Variants in PTPRT observed in about 807,000 individuals in gnomAD.
PTPRT encodes the protein receptor-type tyrosine-protein phosphatase T.
PTPRT carries 56 observed loss-of-function variants against 176.8 expected under a neutral mutation model. The ratio of observed to expected loss-of-function variants is 0.32; its 90% CI spans 0.26 to 0.40. The LOEUF (loss-of-function observed/expected upper bound fraction) is 0.40. Ranked by LOEUF, PTPRT falls within the 10% of genes least tolerant of loss-of-function variation. The pLI, the probability that PTPRT is intolerant of heterozygous loss-of-function variation, is 1.00. For synonymous variants in PTPRT, 783 were observed against 739.0 expected (o/e 1.06, Z -0.96); for missense variants, 1,540 against 1,908.2 (o/e 0.81, Z 3.60).
chr20:42,906,130 C>T (rs554913172), intron 1 of PTPRT, among the ~76,000 whole-genome samples: 8 of 152,182 alleles, frequency 5.3e-5, no homozygotes, highest in African/African-American at 1.7e-4. Flanking sequence ...AGCTGCTGGA[C>T]GTCCAGAGGA....
intron 7 of PTPRT, among the ~76,000 whole-genome samples, chr20:42,495,151 C>T (rs1568928254): frequency 6.6e-6 from 1 of 152,172 alleles, no homozygotes; most frequent in Non-Finnish European, 1.5e-5. Context: ...AACGTCCCCA[C>T]TTATAGATGA....
At chr20:42,324,616 T>G (rs2057854967) in intron 11 of PTPRT, among the ~76,000 whole-genome samples, 1 of 152,156 alleles carries the variant, frequency 6.6e-6, no homozygotes, top group African/African-American at 2.4e-5. Context: ...TATGCACAAA[T>G]TTTAATACAA....
intron 9 of PTPRT, among the ~76,000 whole-genome samples, chr20:42,396,400 ACTT>A (rs911827606): frequency 1.3e-5 from 2 of 151,934 alleles, no homozygotes; most frequent in Admixed American, 1.3e-4. Context: ...CAGCCTCTCT[ACTT>A]CTATCCTTGC....
At chr20:42,967,295 TA>T (rs1170485783) in intron 1 of PTPRT, among the ~76,000 whole-genome samples, 2 of 152,172 alleles carry the variant, frequency 1.3e-5, no homozygotes, top group African/African-American at 4.8e-5. Flanking sequence ...TTAAGGTATT[TA>T]ATTTAATTAT....
chr20:42,060,693 T>C, the PTPRT span, among the ~76,000 whole-genome samples: 3 of 152,256 alleles, frequency 2.0e-5, no homozygotes, highest in Non-Finnish European at 4.4e-5. Flanking sequence ...TCCTCAGCCA[T>C]GTGGACCTGT....
At chr20:42,180,614 A>T (rs1196702896) in intron 16 of PTPRT, among the ~76,000 whole-genome samples, 1 of 152,230 alleles carries the variant, frequency 6.6e-6, no homozygotes, top group Admixed American at 6.5e-5. Flanking sequence ...ATGTATATTA[A>T]AAGTGCATAA....
At chr20:42,057,627 C>T in the PTPRT span, among the ~76,000 whole-genome samples, 1 of 152,038 alleles carries the variant, frequency 6.6e-6, no homozygotes, top group African/African-American at 2.4e-5. Context: ...CTTGCTCTGT[C>T]ACCCAGGCTG....
intron 2 of PTPRT, among the ~76,000 whole-genome samples, chr20:42,826,500 G>A (rs1458317410): frequency 6.6e-6 from 1 of 152,176 alleles, no homozygotes; most frequent in Non-Finnish European, 1.5e-5. Context: ...AACATGAACA[G>A]AAGAGACCAA....
chr20:42,901,361 A>G (rs2079401057), intron 1 of PTPRT, among the ~76,000 whole-genome samples: 1 of 152,186 alleles, frequency 6.6e-6, no homozygotes. Context: ...CAAGCTCTCA[A>G]CAAACATTAG....
chr20:42,356,288 C>T (rs2058357098), intron 9 of PTPRT, among the ~76,000 whole-genome samples: 1 of 152,210 alleles, frequency 6.6e-6, no homozygotes, highest in Non-Finnish European at 1.5e-5. Flanking sequence ...TGCACATCAA[C>T]CCTGGGCTCC....
intron 1 of PTPRT, among the ~76,000 whole-genome samples, chr20:42,906,490 C>T (rs1477529213): frequency 6.6e-6 from 1 of 152,198 alleles, no homozygotes; most frequent in Non-Finnish European, 1.5e-5. Context: ...GCAAGAAACT[C>T]TCAGGATACA....
chr20:42,823,490 C>A (rs137921830), intron 2 of PTPRT, among the ~76,000 whole-genome samples: 41 of 152,024 alleles, frequency 2.7e-4, no homozygotes, highest in African/African-American at 9.9e-4. Context: ...ATATTGTGCA[C>A]ATGTATCCCA....
the PTPRT span, among the ~76,000 whole-genome samples, chr20:42,040,086 C>G: frequency 0.029 from 4,338 of 151,842 alleles, 207 homozygotes; most frequent in African/African-American, 0.099. Flanking sequence ...TTTTTCCCCA[C>G]AGTCTCACCA....
intron 7 of PTPRT, among the ~76,000 whole-genome samples, chr20:42,626,636 G>C (rs1029372201): frequency 3.3e-5 from 5 of 152,164 alleles, no homozygotes; most frequent in African/African-American, 1.2e-4. Context: ...AAGATTCCAA[G>C]AAGTCAGAGA....
intron 9 of PTPRT, among the ~76,000 whole-genome samples, chr20:42,416,867 T>C (rs910412280): frequency 6.6e-6 from 1 of 152,184 alleles, no homozygotes; most frequent in African/African-American, 2.4e-5. Context: ...TACAATATAA[T>C]AACAACCAGG....
Position 42,298,749 on chromosome 20 carries a change from T to C in PTPRT, c.2140-16224A>G, listed in dbSNP as rs556225932. ...CATCCTGGCCAACATGGTTAAACCCTGTCTCTACTAAAAATACAAAAATTA... is the reference window on the plus strand; with the variant it reads ...CATCCTGGCCAACATGGTTAAACCCCGTCTCTACTAAAAATACAAAAATTA... On this transcript the variant is annotated intron_variant, in intron 12 of 30. Transcript: ENST00000373187. Among the ~76,000 whole-genome samples the C allele has an allele frequency of 5.5e-4, 84 of 152,174 alleles. 1 individual carries two copies. Among genetic ancestry groups the C allele is most frequent in the Admixed American group, 1.0e-3 (16 of 15,284 alleles).
At chr20:42,260,846 C>A (rs1387619105) in intron 13 of PTPRT, among the ~76,000 whole-genome samples, 4 of 152,134 alleles carry the variant, frequency 2.6e-5, no homozygotes, top group Non-Finnish European at 4.4e-5. Context: ...GAGTGGAGAC[C>A]TGTCTGGGCC....
intron 1 of PTPRT, among the ~76,000 whole-genome samples, chr20:42,955,719 C>A (rs1981585009): frequency 6.6e-6 from 1 of 152,044 alleles, no homozygotes; most frequent in Non-Finnish European, 1.5e-5. Flanking sequence ...GCCCACAAAC[C>A]ACAGTGCAGC....
chr20:42,795,818 C>G (rs1394655958), intron 2 of PTPRT, among the ~76,000 whole-genome samples: 1 of 152,248 alleles, frequency 6.6e-6, no homozygotes, highest in Non-Finnish European at 1.5e-5. Flanking sequence ...ATGCCCTCAT[C>G]TATAAAATGG....
Sources: gnomAD v4.1 joint callset for allele counts (sites outside exome capture counted in the v4.1 genomes callset) on GRCh38, gnomAD v4.1.1 for gene constraint, MANE v1.5 for transcripts, NCBI Gene and HGNC (gene_info 2026-07-23, HGNC 2026-07-21) for gene names.